Variants in KCNQ1 observed in about 807,000 individuals in gnomAD.
KCNQ1 encodes the protein potassium voltage-gated channel subfamily Q member 1.
A neutral mutation model predicts 72.4 loss-of-function variants in KCNQ1; 49 were observed. The observed-to-expected ratio is 0.68, with a 90% CI of 0.54 to 0.86. The LOEUF (loss-of-function observed/expected upper bound fraction) is 0.86, where lower values mean the gene tolerates loss of function less well. Ranked by LOEUF, KCNQ1 falls within the 40% of genes least tolerant of loss-of-function variation. The probability of loss-of-function intolerance (pLI) is 0.00; values close to 1 mark genes in which losing one functional copy is unlikely to be tolerated. For missense variants in KCNQ1, 790 were observed against 945.1 expected (o/e 0.84, Z 2.15); for synonymous variants, 450 against 412.6 (o/e 1.09, Z -1.10).
Position 2,691,794 on chromosome 11 carries a change from C to A in KCNQ1, c.1514+29713C>A. 2.5e-6 allele frequency: 1 copy of A among 398,686 alleles called. No individual in the cohort carries two copies. Among genetic ancestry groups the A allele is most frequent in the South Asian group, 1.3e-4 (1 of 7,864 alleles). The allele number at this position is 398,686 out of a possible 1,614,324, so 24.7% of individuals were successfully genotyped here. ...CCAGTGGCCATCCACTGCCAGCAAT[C>A]AGAGAATCACAAGCACTGGATCCAA... is the stretch of plus-strand genomic sequence containing the variant. On this transcript the variant is annotated intron_variant, in intron 11 of 15. Coordinates refer to ENST00000155840, the MANE Select transcript of KCNQ1 (RefSeq NM_000218.3). The surrounding 1 kb of genome is among the most constrained non-coding windows in gnomAD (Gnocchi z 6.4).
chr11:2,651,192 A>ACCCT lies in KCNQ1; in HGVS notation c.1394-10769_1394-10768insCCCT. On this transcript the variant is annotated intron_variant, in intron 10 of 15. Coordinates refer to ENST00000155840, the MANE Select transcript of KCNQ1 (RefSeq NM_000218.3). The surrounding 1 kb of genome is among the most constrained non-coding windows in gnomAD (Gnocchi z 6.1). ...TGCTTCCCTACTCAAATGTTCCGAC[A>ACCCT]GCTTCCTGTCACCCTGTCTTGTGTC... 2.5e-6 allele frequency: 1 copy of ACCCT among 397,042 alleles called. No homozygotes were observed. Among genetic ancestry groups the ACCCT allele is most frequent in the East Asian group, 3.6e-5 (1 of 28,076 alleles). 24.6% of individuals were successfully genotyped at this position (397,042 alleles called of 1,614,324 possible).
At chr11:2,739,772 G>A (rs1846020504) in intron 11 of KCNQ1, among the ~76,000 whole-genome samples, 1 of 152,242 alleles carries the variant, frequency 6.6e-6, no homozygotes, top group African/African-American at 2.4e-5. Context: ...TTGCCCAGCT[G>A]GTATTGGCCA....
intron 11 of KCNQ1, among the ~76,000 whole-genome samples, chr11:2,740,212 G>A (rs1846028662): frequency 6.6e-6 from 1 of 152,256 alleles, no homozygotes; most frequent in East Asian, 1.9e-4. Flanking sequence ...AGGAATGGCA[G>A]GAGGGAGGGT....
chr11:2,718,837 T>C (rs1851148126), intron 11 of KCNQ1, among the ~76,000 whole-genome samples: 1 of 152,224 alleles, frequency 6.6e-6, no homozygotes, highest in Non-Finnish European at 1.5e-5. Flanking sequence ...GAGAGCTGGC[T>C]AGGCAGGCAT....
rs1452241754 is a variant in KCNQ1 at position 2,648,989 on chromosome 11, T to C, written c.1394-12972T>C. ...GTCTCTTTTTTCTTTTTCTTTTTTT[T>C]TTTTTTTTTTTTTTTGACTCAGTAT... On this transcript the variant is annotated intron_variant, in intron 10 of 15. Transcript: ENST00000155840. 2,379 of 346,262 alleles carry C rather than the reference T, an allele frequency of 6.9e-3. 2 individuals are homozygous for C. Among genetic ancestry groups the C allele is most frequent in the Middle Eastern group, 0.013 (17 of 1,346 alleles). 21.4% of individuals were successfully genotyped at this position (346,262 alleles called of 1,614,324 possible). A position where few individuals can be genotyped will look rare whatever the true frequency, so the allele number is the denominator to read the frequency against.
At position 2,661,598 on chromosome 11, in the gene KCNQ1, A is replaced by G; in HGVS notation, c.1394-363A>G. Reference sequence around the variant, plus strand: ...GTGGTGGGAGCTGTTGTCCCTTACCAGGCCTGTGCCTGTCACCTCTGTTTT... The same window carrying G: ...GTGGTGGGAGCTGTTGTCCCTTACCGGGCCTGTGCCTGTCACCTCTGTTTT... On this transcript the variant is annotated intron_variant, in intron 10 of 15. Transcript: ENST00000155840. This position sits in a 1 kb window ranked among gnomAD's most constrained non-coding sequence, Gnocchi z 5.9. The G allele has an allele frequency of 3.5e-6, 2 of 571,650 alleles. No individual in the cohort carries two copies. Among genetic ancestry groups the G allele is most frequent in the Non-Finnish European group, 6.2e-6 (2 of 321,420 alleles). 35.4% of individuals were successfully genotyped at this position (571,650 alleles called of 1,614,324 possible).
At position 2,841,722 on chromosome 11, in the gene KCNQ1, C is replaced by A. The variant is rs557509369; in HGVS notation, c.1795-6045C>A. On this transcript the variant is annotated intron_variant, in intron 15 of 15. Coordinates refer to ENST00000155840, the MANE Select transcript of KCNQ1 (RefSeq NM_000218.3). ...GAGGTCCCAGGAAGGGAACGAGGGT[C>A]GTGTGGTGACGATCTTGAGATATTC... 2.6e-4 allele frequency among the ~76,000 whole-genome samples: 40 copies of A among 152,308 alleles called. 1 individual carries two copies. In the South Asian group the frequency reaches 8.1e-3, roughly 31 times the overall value.
rs2133835164 is a variant in KCNQ1 at position 2,645,224 on chromosome 11, TG to T, written c.1394-16735del. ...ATGAGCTTGTCCCAAGGCCCACAGG[TG>T]GCAAATTCAAGTGAATGCCAGTTGT... On this transcript the variant is annotated intron_variant, in intron 10 of 15. Coordinates refer to ENST00000155840, the MANE Select transcript of KCNQ1 (RefSeq NM_000218.3). The surrounding 1 kb of genome is among the most constrained non-coding windows in gnomAD (Gnocchi z 5.8). 2.5e-6 allele frequency: 1 copy of T among 398,578 alleles called. No individual in the cohort carries two copies. The highest frequency in any genetic ancestry group is 4.4e-6 in the Non-Finnish European group (1 of 226,102). The allele number at this position is 398,578 out of a possible 1,614,324, so 24.7% of individuals were successfully genotyped here.
At chr11:2,836,183 A>C (rs114191492) in intron 15 of KCNQ1, among the ~76,000 whole-genome samples, 2,381 of 152,174 alleles carry the variant, frequency 0.016, 67 homozygotes, top group African/African-American at 0.055. Context: ...TCTGAGGGAG[A>C]GGGACACGAC....
chr11:2,617,733 G>C lies in KCNQ1; in HGVS notation c.1393+28879G>C, dbSNP rs1027048395. ...CAACACTTAATAGCTATTCTCATGA[G>C]TGTGAGGTGATATCGCATAGTAATT... On this transcript the variant is annotated intron_variant, in intron 10 of 15. Transcript: ENST00000155840. The surrounding 1 kb of genome is among the most constrained non-coding windows in gnomAD (Gnocchi z 4.6). 1.5e-5 allele frequency: 6 copies of C among 398,426 alleles called. No homozygotes were observed. The highest frequency in any genetic ancestry group is 1.2e-4 in the African/African-American group (6 of 48,624). The allele number at this position is 398,426 out of a possible 1,614,324, so 24.7% of individuals were successfully genotyped here.
At chr11:2,524,044 T>C (rs1022449855) in intron 1 of KCNQ1, among the ~76,000 whole-genome samples, 11 of 152,062 alleles carry the variant, frequency 7.2e-5, no homozygotes, top group African/African-American at 2.7e-4. Flanking sequence ...CCAAAGGGGC[T>C]TTGCAGGGTG....
chr11:2,651,198 C>G lies in KCNQ1; in HGVS notation c.1394-10763C>G. 2.5e-6 allele frequency: 1 copy of G among 396,926 alleles called. No homozygotes were observed. The highest frequency in any genetic ancestry group is 3.6e-5 in the East Asian group (1 of 28,078). 24.6% of individuals were successfully genotyped at this position (396,926 alleles called of 1,614,324 possible). A position where few individuals can be genotyped will look rare whatever the true frequency, so the allele number is the denominator to read the frequency against. On this transcript the variant is annotated intron_variant, in intron 10 of 15. Transcript: ENST00000155840. The surrounding 1 kb of genome is among the most constrained non-coding windows in gnomAD (Gnocchi z 6.1). The stretch of plus-strand genomic sequence containing the variant: ...CCTACTCAAATGTTCCGACAGCTTC[C>G]TGTCACCCTGTCTTGTGTCAGTCTC...
Position 2,713,468 on chromosome 11 carries a change from T to C in KCNQ1, c.1514+51387T>C, listed in dbSNP as rs533256077. On this transcript the variant is annotated intron_variant, in intron 11 of 15. Coordinates refer to ENST00000155840, the MANE Select transcript of KCNQ1 (RefSeq NM_000218.3). This position sits in a 1 kb window ranked among gnomAD's most constrained non-coding sequence, Gnocchi z 5.6. ...ATTCCAGAACAAGTCACAGCCATTG[T>C]AGATTTTGATTAATCGCCATCCCCA... is the stretch of plus-strand genomic sequence containing the variant. Among the ~76,000 whole-genome samples the C allele has an allele frequency of 4.6e-5, 7 of 152,376 alleles. No homozygotes were observed. The South Asian group carries it at 1.2e-3, about 27-fold the overall frequency.
rs1028191166 is a variant in KCNQ1 at position 2,585,069 on chromosome 11, G to A, written c.1033-143G>A. On this transcript the variant is annotated intron_variant, in intron 7 of 15. Transcript: ENST00000155840. ...CATGCTGGCCCAGGACAGGCAGGCT[G>A]GGCCCGAGGTGGGACTTGGGGGGGC... The A allele has an allele frequency of 2.3e-5, 17 of 750,560 alleles. No individual in the cohort carries two copies. The Admixed American group carries it at 2.5e-4, about 11-fold the overall frequency. The allele number at this position is 750,560 out of a possible 1,614,324, so 46.5% of individuals were successfully genotyped here. A position where few individuals can be genotyped will look rare whatever the true frequency, so the allele number is the denominator to read the frequency against.
At chr11:2,510,155 T>G (rs1406152409) in intron 1 of KCNQ1, among the ~76,000 whole-genome samples, 1 of 151,920 alleles carries the variant, frequency 6.6e-6, no homozygotes, top group Non-Finnish European at 1.5e-5. Context: ...GGCACATACC[T>G]GTGGTCCCAA....
rs1850345046 is a variant in KCNQ1 at position 2,679,204 on chromosome 11, C to T, written c.1514+17123C>T. 9 of 398,616 alleles carry T rather than the reference C, an allele frequency of 2.3e-5. No homozygotes were observed. The South Asian group carries it at 1.0e-3, about 45-fold the overall frequency. The allele number at this position is 398,616 out of a possible 1,614,324, so 24.7% of individuals were successfully genotyped here. ...GTTAGGCCACCTGTAACAATGCAGC[C>T]CCATCCATGTGAAGCTGGTCCAGAG... On this transcript the variant is annotated intron_variant, in intron 11 of 15. Coordinates refer to ENST00000155840, the MANE Select transcript of KCNQ1 (RefSeq NM_000218.3). The surrounding 1 kb of genome is among the most constrained non-coding windows in gnomAD (Gnocchi z 4.8).
At chr11:2,699,678 C>CGAAGAACCCCCGGGGAGAACCGCGCG (rs1564862622) in intron 11 of KCNQ1, 1 of 353,092 alleles carries the variant, frequency 2.8e-6, no homozygotes, top group East Asian at 4.4e-5. Flanking sequence ...AGAACCGCGC[C>CGAAGAACCCCCGGGGAGAACCGCGCG]GAAAAGCCCC....
chr11:2,733,812 A>ACACACACACACACACT (rs1845896899), intron 11 of KCNQ1, among the ~76,000 whole-genome samples: 1 of 87,726 alleles, frequency 1.1e-5, no homozygotes, highest in Non-Finnish European at 2.3e-5. Context: ...ACACACACAC[A>ACACACACACACACACT]CACTCTCTCA....
chr11:2,832,949 C>A (rs1847982767), intron 15 of KCNQ1, among the ~76,000 whole-genome samples: 1 of 152,166 alleles, frequency 6.6e-6, no homozygotes, highest in African/African-American at 2.4e-5. Flanking sequence ...TGGTCCCTCC[C>A]CTCTCCCCCA....
Sources: gnomAD v4.1 joint callset for allele counts (sites outside exome capture counted in the v4.1 genomes callset) on GRCh38, gnomAD v4.1.1 for gene constraint, Gnocchi (gnomAD v3.1) non-coding constraint, MANE v1.5 for transcripts, NCBI Gene and HGNC (gene_info 2026-07-23, HGNC 2026-07-21) for gene names.